The following PARVA variants were observed in gnomAD, a reference collection of about 807,000 sequenced individuals.
PARVA encodes parvin alpha, also known as alpha-parvin.
A neutral mutation model predicts 52.6 loss-of-function variants in PARVA; 25 were observed. The ratio of observed to expected loss-of-function variants is 0.48; its 90% confidence interval spans 0.35 to 0.66. The LOEUF is 0.66. Among genes scored for constraint, PARVA ranks in the 30% least tolerant of loss-of-function variants. The pLI is 0.01. For missense variants in PARVA, 373 were observed against 450.9 expected (o/e 0.83, Z 1.56); for synonymous variants, 185 against 179.1 (o/e 1.03, Z -0.26).
intron 1 of PARVA, among the ~76,000 whole-genome samples, chr11:12,422,915 G>A (rs921753562): frequency 6.6e-6 from 1 of 152,038 alleles, no homozygotes; most frequent in African/African-American, 2.4e-5. Context: ...GAGTGTAGTG[G>A]CACAATCTCA....
At chr11:12,498,426 G>A (rs912441740) in intron 5 of PARVA, among the ~76,000 whole-genome samples, 7 of 152,090 alleles carry the variant, frequency 4.6e-5, no homozygotes, top group African/African-American at 1.7e-4. Context: ...AATTTCTTAC[G>A]GGGAAATGTG....
At chr11:12,502,583 TA>T (rs112035768) in intron 5 of PARVA, among the ~76,000 whole-genome samples, 22,216 of 142,154 alleles carry the variant, frequency 0.16, 1,569 homozygotes, top group Non-Finnish European at 0.17. Flanking sequence ...TAAGGTATAA[TA>T]AAAAAAAAAA....
At chr11:12,527,587 G>T (rs144028622) in intron 12 of PARVA, among the ~76,000 whole-genome samples, 1 of 152,252 alleles carries the variant, frequency 6.6e-6, no homozygotes, top group African/African-American at 2.4e-5. Context: ...CTATGATGGA[G>T]GTTGGAGGCA....
At chr11:12,437,281 C>G (rs2135000008) in intron 1 of PARVA, among the ~76,000 whole-genome samples, 1 of 152,340 alleles carries the variant, frequency 6.6e-6, no homozygotes, top group South Asian at 2.1e-4. Context: ...AGGATATCCT[C>G]TCCCTGCCTT....
intron 1 of PARVA, among the ~76,000 whole-genome samples, chr11:12,402,400 A>T (rs1939840845): frequency 6.6e-6 from 1 of 152,224 alleles, no homozygotes; most frequent in Non-Finnish European, 1.5e-5. Context: ...TACAGAGTGG[A>T]TCTGGAGGGG....
chr11:12,464,344 G>A (rs1940826325), intron 1 of PARVA, among the ~76,000 whole-genome samples: 1 of 152,196 alleles, frequency 6.6e-6, no homozygotes, highest in East Asian at 1.9e-4. Flanking sequence ...TTCTCCCCTT[G>A]TTTATCTATA....
chr11:12,403,079 C>T lies in PARVA; in HGVS notation c.136+25296C>T, dbSNP rs1290694015. 2.0e-5 allele frequency among the ~76,000 whole-genome samples: 3 copies of T among 152,216 alleles called. No homozygotes were observed. The East Asian group carries it at 5.8e-4, about 29-fold the overall frequency. ...TGGCACATGCCTCGCTGCCTCCTTC[C>T]CCACAGGGGCCAGCACAGGGCAGCT... On this transcript the variant is annotated intron_variant, in intron 1 of 12. Transcript: ENST00000334956.
At chr11:12,489,622 C>T (rs1168370396) in intron 4 of PARVA, among the ~76,000 whole-genome samples, 1 of 152,124 alleles carries the variant, frequency 6.6e-6, no homozygotes, top group Non-Finnish European at 1.5e-5. Context: ...CATGAATCCT[C>T]AGATTCAGGG....
chr11:12,407,600 G>C (rs369182112), intron 1 of PARVA, among the ~76,000 whole-genome samples: 1 of 152,210 alleles, frequency 6.6e-6, no homozygotes, highest in Non-Finnish European at 1.5e-5. Flanking sequence ...ACATGTTACA[G>C]TGTCCAATTT....
chr11:12,389,128 G>A (rs1589938064), intron 1 of PARVA, among the ~76,000 whole-genome samples: 1 of 152,284 alleles, frequency 6.6e-6, no homozygotes, highest in East Asian at 1.9e-4. Flanking sequence ...TGGGCTGGCA[G>A]GACCAGATTA....
At position 12,509,461 on chromosome 11, in the gene PARVA, G is replaced by A. The variant is rs192561197; in HGVS notation, c.716+819G>A. Among the ~76,000 whole-genome samples the A allele has an allele frequency of 2.6e-5, 4 of 152,154 alleles. 1 individual carries two copies. In the East Asian group the frequency reaches 7.7e-4, roughly 29 times the overall value. ...TTACTGTGGTCACAGCTGTGACTTC[G>A]TTCCCTTGCCCTCTGTAGCTGCTGT... On this transcript the variant is annotated intron_variant, in intron 7 of 12. Transcript: ENST00000334956.
intron 1 of PARVA, among the ~76,000 whole-genome samples, chr11:12,462,303 G>A (rs761593356): frequency 5.9e-5 from 9 of 152,170 alleles, no homozygotes; most frequent in Non-Finnish European, 8.8e-5. Context: ...AGGGAGATTG[G>A]CCTGGATTAT....
chr11:12,527,564 C>T (rs1399278660), intron 12 of PARVA, among the ~76,000 whole-genome samples: 1 of 152,154 alleles, frequency 6.6e-6, no homozygotes, highest in Non-Finnish European at 1.5e-5. Flanking sequence ...CTTTTCACCA[C>T]CCATGGTTGG....
chr11:12,380,328 G>A (rs745324533), intron 1 of PARVA, among the ~76,000 whole-genome samples: 6 of 150,626 alleles, frequency 4.0e-5, no homozygotes, highest in Non-Finnish European at 5.9e-5. Flanking sequence ...TAATCACTCC[G>A]AGGCCTGAGG....
intron 9 of PARVA, chr11:12,513,573 C>T (rs1564868043): frequency 1.5e-6 from 1 of 687,506 alleles, no homozygotes; most frequent in Admixed American, 2.0e-5. Context: ...GCATGAACAG[C>T]CTGTCTTCCC....
At chr11:12,395,103 A>AG (rs1939721039) in intron 1 of PARVA, among the ~76,000 whole-genome samples, 1 of 150,144 alleles carries the variant, frequency 6.7e-6, no homozygotes, top group Non-Finnish European at 1.5e-5. Flanking sequence ...AAAAAAAAAA[A>AG]AAAAAGAAAG....
At chr11:12,401,602 G>A (rs1939829247) in intron 1 of PARVA, among the ~76,000 whole-genome samples, 2 of 152,174 alleles carry the variant, frequency 1.3e-5, no homozygotes, top group African/African-American at 4.8e-5. Context: ...TCGTACTGAA[G>A]TATAGAATTA....
rs1405526436 is a variant in PARVA at position 12,432,959 on chromosome 11, T to C, written c.137-40786T>C. On this transcript the variant is annotated intron_variant, in intron 1 of 12. Transcript: ENST00000334956. ...GTGGTACTGAAAGATGCTTCCTTGATGGAATGTTGCCAGACACGATTTAAA... is the reference window on the plus strand; with the variant it reads ...GTGGTACTGAAAGATGCTTCCTTGACGGAATGTTGCCAGACACGATTTAAA... Among the ~76,000 whole-genome samples, 4 of 152,242 alleles carry C rather than the reference T, an allele frequency of 2.6e-5. No homozygotes were observed. In the East Asian group the frequency reaches 7.7e-4, roughly 29 times the overall value.
chr11:12,396,421 A>G (rs76361014), intron 1 of PARVA, among the ~76,000 whole-genome samples: 13,509 of 152,254 alleles, frequency 0.089, 731 homozygotes, highest in African/African-American at 0.14. Context: ...AAGCCTGGGA[A>G]GGAGGTGTCT....
Sources: allele counts gnomAD v4.1 joint callset (sites outside exome capture counted in the v4.1 genomes callset), GRCh38; gene constraint gnomAD v4.1.1; transcripts MANE v1.5; gene names NCBI Gene and HGNC (gene_info 2026-07-23, HGNC 2026-07-21).